The following AMPH variants were observed in gnomAD, a reference collection of about 807,000 sequenced individuals.
AMPH encodes amphiphysin (Stiff-Mann syndrome with breast cancer 128kD autoantigen).
In AMPH, 49 loss-of-function variants were observed where a neutral mutation model predicts 99.1. The observed-to-expected ratio is 0.49, with a 90% CI of 0.39 to 0.63. AMPH has a LOEUF of 0.63. Among genes scored for constraint, AMPH ranks in the 20% least tolerant of loss-of-function variants. AMPH has a pLI of 0.00. For synonymous variants in AMPH, 314 were observed against 317.3 expected (o/e 0.99, Z 0.11); for missense variants, 759 against 863.4 (o/e 0.88, Z 1.52).
At chr7:38,579,932 A>G (rs1186846793) in intron 1 of AMPH, among the ~76,000 whole-genome samples, 1 of 152,224 alleles carries the variant, frequency 6.6e-6, no homozygotes, top group African/African-American at 2.4e-5. Context: ...CAGAAAATGC[A>G]TACCAGTCCC....
chr7:38,594,100 A>G (rs1234354125), intron 1 of AMPH, among the ~76,000 whole-genome samples: 2 of 152,144 alleles, frequency 1.3e-5, no homozygotes, highest in Non-Finnish European at 2.9e-5. Context: ...GCAGGAAGCG[A>G]AGCTGGGAGA....
chr7:38,556,707 T>C (rs1318237040), intron 1 of AMPH, among the ~76,000 whole-genome samples: 4 of 152,226 alleles, frequency 2.6e-5, no homozygotes, highest in African/African-American at 9.6e-5. Context: ...ATTATTTATG[T>C]AGTTGTTTCC....
chr7:38,577,683 G>A (rs1245693513), intron 1 of AMPH, among the ~76,000 whole-genome samples: 1 of 151,010 alleles, frequency 6.6e-6, no homozygotes, highest in East Asian at 1.9e-4. Context: ...AAGAAAAAAA[G>A]AGAAAGAGGG....
chr7:38,415,107 A>T (rs745592778), intron 17 of AMPH, among the ~76,000 whole-genome samples: 1 of 152,246 alleles, frequency 6.6e-6, no homozygotes, highest in Non-Finnish European at 1.5e-5. Flanking sequence ...AAAACTGAAG[A>T]CAATACTACC....
chr7:38,410,826 T>A (rs1306664808), intron 17 of AMPH, among the ~76,000 whole-genome samples: 1 of 152,188 alleles, frequency 6.6e-6, no homozygotes, highest in African/African-American at 2.4e-5. Context: ...AGGACACACA[T>A]TATCTCTGAG....
At chr7:38,448,764 G>C (rs192519142) in intron 11 of AMPH, among the ~76,000 whole-genome samples, 2 of 152,158 alleles carry the variant, frequency 1.3e-5, no homozygotes, top group Non-Finnish European at 2.9e-5. Context: ...CCTATCGATT[G>C]TTCTCTCACA....
At chr7:38,385,234 TGA>T (rs1461293372) in intron 20 of AMPH, among the ~76,000 whole-genome samples, 1 of 152,196 alleles carries the variant, frequency 6.6e-6, no homozygotes, top group Non-Finnish European at 1.5e-5. Context: ...GATTATAATA[TGA>T]GTTCTTAAAG....
intron 11 of AMPH, among the ~76,000 whole-genome samples, chr7:38,449,853 C>T (rs369926590): frequency 7.2e-5 from 11 of 152,306 alleles, no homozygotes; most frequent in African/African-American, 2.4e-4. Flanking sequence ...AACCAGGTTA[C>T]AGATACCCAG....
At chr7:38,525,271 T>TAGAGAG (rs1260420807) in intron 2 of AMPH, among the ~76,000 whole-genome samples, 1 of 71,338 alleles carries the variant, frequency 1.4e-5, no homozygotes. Context: ...TATATATATA[T>TAGAGAG]ATATATAGAG....
intron 14 of AMPH, chr7:38,428,007 C>T (rs1041749324): frequency 5.1e-5 from 23 of 454,242 alleles, no homozygotes; most frequent in Non-Finnish European, 1.3e-5. Context: ...TATCTCCTGG[C>T]TTTGTTCCCA....
intron 1 of AMPH, among the ~76,000 whole-genome samples, chr7:38,592,895 G>C (rs1164765589): frequency 6.6e-6 from 1 of 152,150 alleles, no homozygotes; most frequent in African/African-American, 2.4e-5. Flanking sequence ...GAGAAGCCAA[G>C]GCCAACCTGC....
chr7:38,432,325 T>A, intron 12 of AMPH, 113 bp from the exon 13 acceptor site: 2 of 921,192 alleles, frequency 2.2e-6, no homozygotes, highest in Non-Finnish European at 3.4e-6. Context: ...TTTTGTACAG[T>A]ACTGTTCAAT....
rs1785326641 is a variant in AMPH at position 38,414,984 on chromosome 7, C to A, written c.1398+2841G>T. Among the ~76,000 whole-genome samples, 4 of 151,978 alleles carry A rather than the reference C, an allele frequency of 2.6e-5. 1 individual carries two copies. In the South Asian group the frequency reaches 8.3e-4, roughly 31 times the overall value. ...TGGCCCCAAATCATTTTTTTTCTAA[C>A]AAATATTTTCATTATTTACATAACA... On this transcript the variant is annotated intron_variant, in intron 17 of 20. Transcript: ENST00000356264.
At chr7:38,622,125 T>C (rs950463934) in intron 1 of AMPH, among the ~76,000 whole-genome samples, 2 of 152,190 alleles carry the variant, frequency 1.3e-5, no homozygotes, top group Non-Finnish European at 2.9e-5. Flanking sequence ...TTACTGAGAA[T>C]GTAGGAAAAA....
At chr7:38,434,024 CT>C (rs950863361) in intron 12 of AMPH, among the ~76,000 whole-genome samples, 1 of 152,002 alleles carries the variant, frequency 6.6e-6, no homozygotes, top group Non-Finnish European at 1.5e-5. Flanking sequence ...CAGTGCTATG[CT>C]TTTTTTGTCA....
At chr7:38,407,091 TG>T (rs1785054608) in intron 17 of AMPH, among the ~76,000 whole-genome samples, 1 of 75,098 alleles carries the variant, frequency 1.3e-5, no homozygotes, top group African/African-American at 4.2e-5. Flanking sequence ...TGTGTGTGTG[TG>T]TGTGTGTGTG....
At chr7:38,420,633 T>A (rs1307307941) in intron 16 of AMPH, among the ~76,000 whole-genome samples, 1 of 152,112 alleles carries the variant, frequency 6.6e-6, no homozygotes. Flanking sequence ...TGGTATCCTT[T>A]GTGATAAGAT....
intron 3 of AMPH, among the ~76,000 whole-genome samples, chr7:38,499,228 C>T (rs550830528): frequency 6.0e-4 from 92 of 152,290 alleles, no homozygotes; most frequent in African/African-American, 2.2e-3. Flanking sequence ...TCCTTGCAAG[C>T]AGGCACTATG....
At chr7:38,402,918 A>C (rs114537927) in intron 17 of AMPH, among the ~76,000 whole-genome samples, 1,783 of 152,142 alleles carry the variant, frequency 0.012, 42 homozygotes, top group African/African-American at 0.041. Context: ...AAATGAAAAC[A>C]AAAAAAACTA....
Sources: gnomAD v4.1 joint callset for allele counts (sites outside exome capture counted in the v4.1 genomes callset) on GRCh38, gnomAD v4.1.1 for gene constraint, MANE v1.5 for transcripts, NCBI Gene and HGNC (gene_info 2026-07-23, HGNC 2026-07-21) for gene names.